The following CLVS1 variants were observed in gnomAD, a reference collection of about 807,000 sequenced individuals.
The protein encoded by CLVS1 is clavesin 1, also known as clavesin-1.
In CLVS1, 10 loss-of-function variants were observed where a neutral mutation model predicts 33.1. The ratio of observed to expected loss-of-function variants is 0.30; its 90% CI spans 0.19 to 0.51. The LOEUF is 0.51. Among genes scored for constraint, CLVS1 ranks in the 20% least tolerant of loss-of-function variants. CLVS1 has a pLI of 0.97. For synonymous variants in CLVS1, 163 were observed against 166.1 expected, an observed-to-expected ratio of 0.98 and a Z score of 0.14; for missense variants, 343 against 433.4, an observed-to-expected ratio of 0.79 and a Z score of 1.85.
chr8:61,374,842 T>G (rs923232888), intron 2 of CLVS1, among the ~76,000 whole-genome samples: 1 of 152,168 alleles, frequency 6.6e-6, no homozygotes, highest in African/African-American at 2.4e-5. Flanking sequence ...TTTTTCTATA[T>G]AGCAGAACTA....
intron 2 of CLVS1, among the ~76,000 whole-genome samples, chr8:61,255,757 C>T (rs1201594556): frequency 4.6e-5 from 7 of 151,982 alleles, no homozygotes; most frequent in Non-Finnish European, 1.0e-4. Flanking sequence ...AAAAGATTTG[C>T]CATAATTTAA....
chr8:61,341,026 T>C (rs1585827519), intron 2 of CLVS1, among the ~76,000 whole-genome samples: 1 of 152,222 alleles, frequency 6.6e-6, no homozygotes, highest in East Asian at 1.9e-4. Flanking sequence ...AGTGCAAACA[T>C]CACAGGCAGG....
chr8:61,396,244 A>G (rs1280350003), intron 3 of CLVS1, among the ~76,000 whole-genome samples: 1 of 152,170 alleles, frequency 6.6e-6, no homozygotes, highest in Non-Finnish European at 1.5e-5. Flanking sequence ...ACAAGTTTTC[A>G]TATTCCTCTT....
chr8:61,257,943 G>A (rs916543822), intron 2 of CLVS1, among the ~76,000 whole-genome samples: 4 of 152,078 alleles, frequency 2.6e-5, no homozygotes, highest in Admixed American at 2.0e-4. Context: ...AATGTCAATG[G>A]TGGTGGTGAT....
chr8:61,273,369 C>T (rs1809489591), intron 2 of CLVS1, among the ~76,000 whole-genome samples: 6 of 152,176 alleles, frequency 3.9e-5, no homozygotes, highest in Admixed American at 3.3e-4. Context: ...CAGCTGCGTG[C>T]TGGGAGAACC....
At chr8:61,218,156 A>T (rs981640132) in intron 2 of CLVS1, among the ~76,000 whole-genome samples, 19 of 152,232 alleles carry the variant, frequency 1.2e-4, no homozygotes, top group African/African-American at 4.3e-4. Flanking sequence ...CTGGGAATTT[A>T]TCCAAAAGAA....
intron 3 of CLVS1, among the ~76,000 whole-genome samples, chr8:61,404,785 C>T (rs1814918338): frequency 6.6e-6 from 1 of 152,166 alleles, no homozygotes; most frequent in Non-Finnish European, 1.5e-5. Flanking sequence ...GGTATAAGAA[C>T]TTCAGGAATT....
Position 61,345,638 on chromosome 8 carries a change from ATGTGTGTG to A in CLVS1, c.456-30941_456-30934del, listed in dbSNP as rs1004446368. On this transcript the variant is annotated intron_variant, in intron 2 of 5. Coordinates refer to ENST00000325897, the MANE Select transcript of CLVS1 (RefSeq NM_173519.3). The stretch of plus-strand genomic sequence containing the variant: ...CCTCTAGGGGTGTGTGTGTGTGTGT[ATGTGTGTG>A]TGTGTGTGTGTGTGTGTGTGTGTGT... Among the ~76,000 whole-genome samples the A allele has an allele frequency of 2.5e-3, 321 of 130,478 alleles. 1 individual carries two copies. Among genetic ancestry groups the A allele is most frequent in the Middle Eastern group, 3.8e-3 (1 of 262 alleles). The allele number at this position is 130,478 out of a possible 152,430, so 85.6% of individuals were successfully genotyped here.
chr8:61,195,748 A>G (rs1272975275), intron 2 of CLVS1, among the ~76,000 whole-genome samples: 2 of 152,110 alleles, frequency 1.3e-5, no homozygotes, highest in African/African-American at 2.4e-5. Flanking sequence ...AAAAGGGGGA[A>G]AAGTGAAGAT....
At chr8:61,473,305 G>A (rs1446678633) in intron 5 of CLVS1, among the ~76,000 whole-genome samples, 1 of 136,702 alleles carries the variant, frequency 7.3e-6, no homozygotes, top group Non-Finnish European at 1.5e-5. Flanking sequence ...ATGAAGACAT[G>A]TCCTACAATT....
intron 2 of CLVS1, among the ~76,000 whole-genome samples, chr8:61,177,074 AGGGGGCGGGGCGG>A: frequency 1.0e-5 from 1 of 100,270 alleles, no homozygotes; most frequent in African/African-American, 3.8e-5. Flanking sequence ...CGGAGTGGCG[AGGGGGCGGGGCGG>A]GGGGGCAAAG....
Position 61,342,120 on chromosome 8 carries a change from T to A in CLVS1, c.456-34485T>A, listed in dbSNP as rs115817628. 7.7e-3 allele frequency among the ~76,000 whole-genome samples: 1,168 copies of A among 152,288 alleles called. 15 individuals carry two copies. Among genetic ancestry groups the A allele is most frequent in the African/African-American group, 0.026 (1,089 of 41,554 alleles). ...GTGCACATGTGGTAAAGCGGGTGAC[T>A]CTTGCTCTTCTCTCTTCTTTGAAGT... On this transcript the variant is annotated intron_variant, in intron 2 of 5. Transcript: ENST00000325897.
At chr8:61,280,110 A>G (rs1809640399) in intron 2 of CLVS1, among the ~76,000 whole-genome samples, 1 of 137,868 alleles carries the variant, frequency 7.3e-6, no homozygotes, top group African/African-American at 2.9e-5. Flanking sequence ...ACCTAATTAA[A>G]TACTCACTTG....
intron 3 of CLVS1, among the ~76,000 whole-genome samples, chr8:61,453,315 C>G (rs530038431): frequency 6.6e-6 from 1 of 152,036 alleles, no homozygotes; most frequent in Non-Finnish European, 1.5e-5. Flanking sequence ...TTCTGTAGAT[C>G]TAATTAGCAC....
chr8:61,444,399 C>A (rs1816679032), intron 3 of CLVS1, among the ~76,000 whole-genome samples: 1 of 152,112 alleles, frequency 6.6e-6, no homozygotes, highest in African/African-American at 2.4e-5. Flanking sequence ...TTAGAAGGTT[C>A]CTCTCCAATT....
At chr8:61,257,901 G>A (rs978600845) in intron 2 of CLVS1, among the ~76,000 whole-genome samples, 1 of 152,224 alleles carries the variant, frequency 6.6e-6, no homozygotes, top group South Asian at 2.1e-4. Context: ...GCTATGCATT[G>A]CTAGTTTACA....
chr8:61,451,542 G>A (rs781477878), intron 3 of CLVS1, among the ~76,000 whole-genome samples: 1 of 152,086 alleles, frequency 6.6e-6, no homozygotes, highest in Non-Finnish European at 1.5e-5. Context: ...CAAGAACACT[G>A]AAAGACAAAG....
the CLVS1 span, among the ~76,000 whole-genome samples, chr8:61,005,187 T>G: frequency 6.6e-6 from 1 of 152,194 alleles, no homozygotes; most frequent in South Asian, 2.1e-4. Flanking sequence ...GCGGATTGAT[T>G]CATGGGATCC....
chr8:61,041,024 G>A, the CLVS1 span, among the ~76,000 whole-genome samples: 1 of 152,060 alleles, frequency 6.6e-6, no homozygotes, highest in Admixed American at 6.6e-5. Flanking sequence ...GTGAAAGGTA[G>A]GGGTTCAGTT....
Sources: allele counts gnomAD v4.1 joint callset (sites outside exome capture counted in the v4.1 genomes callset), GRCh38; gene constraint gnomAD v4.1.1; transcripts MANE v1.5; gene names NCBI Gene and HGNC (gene_info 2026-07-23, HGNC 2026-07-21).